Variants in SNX25 observed in about 807,000 individuals in gnomAD.
The protein encoded by SNX25 is sorting nexin 25.
A neutral mutation model predicts 113.7 loss-of-function variants in SNX25; 62 were observed. The observed-to-expected ratio is 0.55, with a 90% CI of 0.44 to 0.67. SNX25 has a LOEUF of 0.67. SNX25 is among the 30% of genes least tolerant of loss of function. The pLI, the probability that SNX25 is intolerant of heterozygous loss-of-function variation, is 0.00. For synonymous variants in SNX25, 421 were observed against 436.2 expected (o/e 0.97, Z 0.43); for missense variants, 1,014 against 1,161.0 (o/e 0.87, Z 1.84).
intron 1 of SNX25, among the ~76,000 whole-genome samples, chr4:185,212,328 C>T (rs1256899328): frequency 6.7e-6 from 1 of 149,652 alleles, no homozygotes; most frequent in Non-Finnish European, 1.5e-5. Flanking sequence ...TTTTTAAGTG[C>T]ATTAGGAAAT....
intron 1 of SNX25, among the ~76,000 whole-genome samples, chr4:185,226,844 TCCAA>T (rs1741070949): frequency 6.6e-6 from 1 of 152,066 alleles, no homozygotes; most frequent in African/African-American, 2.4e-5. Context: ...AGCTTTTTAA[TCCAA>T]TGTTTTGTAA....
At chr4:185,351,391 C>T in intron 13 of SNX25, 54 bp from the exon 14 acceptor site, 1 of 1,569,200 alleles carries the variant, frequency 6.4e-7, no homozygotes, top group Non-Finnish European at 8.7e-7. Context: ...TTGTAGCTCC[C>T]AGCCACACAG....
chr4:185,224,502 A>AAT (rs1290401253), intron 1 of SNX25, among the ~76,000 whole-genome samples: 1 of 130,992 alleles, frequency 7.6e-6, no homozygotes, highest in African/African-American at 2.9e-5. Flanking sequence ...TAGATATATA[A>AAT]ATATATAGAT....
chr4:185,284,325 ACT>A (rs765244791), intron 5 of SNX25, among the ~76,000 whole-genome samples: 3 of 152,152 alleles, frequency 2.0e-5, no homozygotes, highest in Non-Finnish European at 4.4e-5. Flanking sequence ...TGGAAGTGTG[ACT>A]CTTTAAAACA....
At chr4:185,290,966 G>A (rs1752083625) in intron 6 of SNX25, among the ~76,000 whole-genome samples, 1 of 152,186 alleles carries the variant, frequency 6.6e-6, no homozygotes. Context: ...TTTACAGAAA[G>A]AACAATGGTT....
chr4:185,215,084 G>C (rs1184383512), intron 1 of SNX25, among the ~76,000 whole-genome samples: 1 of 152,120 alleles, frequency 6.6e-6, no homozygotes, highest in Non-Finnish European at 1.5e-5. Context: ...CAAAAAATTA[G>C]CCGGGCGTGG....
At chr4:185,374,377 G>A (rs2095426142), downstream of SNX25, 1 of 1,614,106 alleles carries the variant, frequency 6.2e-7, no homozygotes, top group Non-Finnish European at 8.5e-7. Flanking sequence ...GCTCTTCCGA[G>A]GTTGTAAGCA....
intron 10 of SNX25, among the ~76,000 whole-genome samples, chr4:185,333,583 C>G (rs1018733118): frequency 6.6e-6 from 1 of 152,094 alleles, no homozygotes; most frequent in Non-Finnish European, 1.5e-5. Flanking sequence ...ATTAAAATAT[C>G]TATTCATCTA....
intron 1 of SNX25, among the ~76,000 whole-genome samples, chr4:185,215,177 C>T (rs1031225186): frequency 1.6e-4 from 25 of 151,718 alleles, no homozygotes; most frequent in Non-Finnish European, 3.7e-4. Flanking sequence ...TGCAGTGAGC[C>T]GAGATCGTGC....
chr4:185,369,896 A>G (rs893501555), exon 12 of SNX25: 4 of 341,900 alleles, frequency 1.2e-5, no homozygotes, highest in Non-Finnish European at 2.3e-5. Flanking sequence ...TATCAGAGTC[A>G]GCCAAGGGAC....
upstream of SNX25, among the ~76,000 whole-genome samples, chr4:185,208,103 CTTTA>C (rs1397473116): frequency 1.2e-4 from 19 of 152,002 alleles, no homozygotes; most frequent in African/African-American, 3.6e-4. Context: ...AATCATACTG[CTTTA>C]TTTATTTTAT....
the SNX25 span, chr4:185,377,131 G>T: frequency 1.3e-6 from 1 of 782,156 alleles, no homozygotes; most frequent in Non-Finnish European, 2.2e-6. Flanking sequence ...GCTTTCTAGT[G>T]CTCATTCCTA....
At chr4:185,275,558 T>C (rs2126573755) in intron 5 of SNX25, among the ~76,000 whole-genome samples, 1 of 152,316 alleles carries the variant, frequency 6.6e-6, no homozygotes, top group South Asian at 2.1e-4. Flanking sequence ...TTAGTTCAGG[T>C]CTGCTTGCAC....
intron 9 of SNX25, among the ~76,000 whole-genome samples, chr4:185,325,503 A>G (rs1468444088): frequency 2.8e-5 from 4 of 142,436 alleles, no homozygotes; most frequent in Non-Finnish European, 6.0e-5. Flanking sequence ...ACTGCACTCC[A>G]GCCTGGGCGA....
chr4:185,261,158 A>G (rs13134263), intron 3 of SNX25, among the ~76,000 whole-genome samples: 94 of 88,026 alleles, frequency 1.1e-3, no homozygotes, highest in African/African-American at 2.6e-3. Context: ...GTGTGTGTGT[A>G]TGTATGTATA....
intron 18 of SNX25, 126 bp downstream of exon 18, chr4:185,362,837 C>CT (rs35348535): frequency 0.21 from 52,415 of 247,020 alleles, 4,824 homozygotes; most frequent in African/African-American, 0.26. Context: ...TCTCCCTTGA[C>CT]TTTTTTTTTT....
chr4:185,229,081 A>G (rs1443974135), intron 1 of SNX25, among the ~76,000 whole-genome samples: 2 of 152,204 alleles, frequency 1.3e-5, no homozygotes, highest in Non-Finnish European at 2.9e-5. Context: ...GTTGGAGGCC[A>G]TGAAAGACTA....
chr4:185,372,840 A>G, downstream of SNX25: 1 of 1,573,742 alleles, frequency 6.4e-7, no homozygotes, highest in Non-Finnish European at 8.7e-7. Context: ...AGCACAGAAC[A>G]GACAAAGACA....
intron 7 of SNX25, among the ~76,000 whole-genome samples, chr4:185,313,873 T>C (rs1396697296): frequency 6.6e-6 from 1 of 152,224 alleles, no homozygotes; most frequent in East Asian, 1.9e-4. Flanking sequence ...TATTATATAC[T>C]GTACTGTTAG....
Sources: gnomAD v4.1 joint callset for allele counts (sites outside exome capture counted in the v4.1 genomes callset) on GRCh38, gnomAD v4.1.1 for gene constraint, MANE v1.5 for transcripts, NCBI Gene and HGNC (gene_info 2026-07-23, HGNC 2026-07-21) for gene names.